The following TPO variants were observed in gnomAD, a reference collection of about 807,000 sequenced individuals.
TPO encodes thyroid peroxidase.
In TPO, 78 loss-of-function variants were observed where a neutral mutation model predicts 96.9. The ratio of observed to expected loss-of-function variants is 0.81; its 90% CI spans 0.67 to 0.97. TPO has a LOEUF of 0.97. TPO is among the 50% of genes least tolerant of loss of function. The pLI is 0.00. For synonymous variants in TPO, 547 were observed against 538.0 expected (o/e 1.02, Z -0.23); for missense variants, 1,252 against 1,274.8 (o/e 0.98, Z 0.27).
chr2:1,479,393 T>C (rs1311125261), intron 8 of TPO, among the ~76,000 whole-genome samples: 1 of 152,228 alleles, frequency 6.6e-6, no homozygotes, highest in Non-Finnish European at 1.5e-5. Context: ...AGTTTGTGAA[T>C]GAAGTAGAAT....
rs769422169 is a variant in TPO, at chr2:1,499,213, C to T, written c.2386+2448C>T. Among the ~76,000 whole-genome samples the T allele has an allele frequency of 5.5e-4, 84 of 151,710 alleles. 1 individual carries two copies. The highest frequency in any genetic ancestry group is 5.3e-4 in the Non-Finnish European group (36 of 67,838). ...TGTGGAGCTGCCCCCTGTGCGCGTG[C>T]CCTCTGACCTTCCGCCTGCCCTCTG... On this transcript the variant is annotated intron_variant, in intron 13 of 16. Transcript: ENST00000329066.
chr2:1,539,371 C>A (rs1680457361), intron 15 of TPO, among the ~76,000 whole-genome samples: 1 of 152,150 alleles, frequency 6.6e-6, no homozygotes. Flanking sequence ...GTCACCAAGT[C>A]AAACTCAAGC....
intron 15 of TPO, among the ~76,000 whole-genome samples, chr2:1,534,696 C>G (rs1353053957): frequency 6.7e-6 from 1 of 148,554 alleles, no homozygotes; most frequent in Non-Finnish European, 1.5e-5. Flanking sequence ...CCAAAAATCC[C>G]CCACACAGTG....
intron 15 of TPO, among the ~76,000 whole-genome samples, chr2:1,524,353 T>TC (rs1272468446): frequency 2.2e-5 from 2 of 91,058 alleles, no homozygotes; most frequent in African/African-American, 8.8e-5. Context: ...CCTCCCCAAA[T>TC]CCCTCCACTC....
Position 1,478,245 on chromosome 2 carries a change from C to T in TPO, c.1338+641C>T, listed in dbSNP as rs79646939. On this transcript the variant is annotated intron_variant, in intron 8 of 16. Coordinates refer to ENST00000329066, the MANE Select transcript of TPO (RefSeq NM_001206744.2). ...ATTAATTGTGTGATGGAGAAAAGCA[C>T]TTATGCACCTGGAAATGCGGTCCCT... The T allele has an allele frequency of 3.2e-4, 311 of 985,404 alleles. 1 individual carries two copies. The African/African-American group carries it at 5.2e-3, about 17-fold the overall frequency. The allele number at this position is 985,404 out of a possible 1,614,324, so 61.0% of individuals were successfully genotyped here. A position where few individuals can be genotyped will look rare whatever the true frequency, so the allele number is the denominator to read the frequency against.
At chr2:1,451,673 C>T (rs1020356422) in intron 5 of TPO, among the ~76,000 whole-genome samples, 1 of 152,206 alleles carries the variant, frequency 6.6e-6, no homozygotes, top group Non-Finnish European at 1.5e-5. Flanking sequence ...AACCTCAGTG[C>T]TGGTTGTTCC....
intron 1 of TPO, among the ~76,000 whole-genome samples, chr2:1,376,578 G>A (rs906817864): frequency 6.6e-6 from 1 of 152,136 alleles, no homozygotes; most frequent in African/African-American, 2.4e-5. Flanking sequence ...ATGGTGCCCA[G>A]GGCAGTGCTG....
intron 1 of TPO, 181 bp downstream of exon 1, chr2:1,413,726 G>A: frequency 4.1e-6 from 4 of 985,358 alleles, no homozygotes; most frequent in Non-Finnish European, 4.8e-6. Flanking sequence ...TGGAACATGT[G>A]AGTCCTGTAG....
chr2:1,488,053 A>G lies in TPO; in HGVS notation c.1768+62A>G. ...TGCTGCGGGATTTGCCGAGCTAGCA[A>G]CCTGCTGCTAGAGAGACTGATTTAG... On this transcript the variant is annotated intron_variant, in intron 10 of 16. Coordinates refer to ENST00000329066, the MANE Select transcript of TPO (RefSeq NM_001206744.2). The G allele has an allele frequency of 1.2e-5, 20 of 1,604,596 alleles. No homozygotes were observed. In the South Asian group the frequency reaches 1.9e-4, roughly 15 times the overall value.
intron 11 of TPO, among the ~76,000 whole-genome samples, chr2:1,494,646 T>C (rs1447298823): frequency 6.6e-6 from 1 of 152,220 alleles, no homozygotes; most frequent in Non-Finnish European, 1.5e-5. Flanking sequence ...TCTGAGTGCA[T>C]GCCCCCCGTA....
chr2:1,462,091 T>A (rs187742743), intron 7 of TPO, among the ~76,000 whole-genome samples: 94 of 152,294 alleles, frequency 6.2e-4, no homozygotes, highest in East Asian at 2.5e-3. Flanking sequence ...AACTTTCTCT[T>A]CTGGCTCTTC....
At chr2:1,463,209 G>T (rs977671262) in intron 7 of TPO, among the ~76,000 whole-genome samples, 1 of 152,198 alleles carries the variant, frequency 6.6e-6, no homozygotes, top group South Asian at 2.1e-4. Context: ...CTGGCTTGCA[G>T]TTAAGAGTGT....
At chr2:1,515,037 T>TTCTC (rs199607009) in intron 14 of TPO, among the ~76,000 whole-genome samples, 2,412 of 152,262 alleles carry the variant, frequency 0.016, 23 homozygotes, top group Middle Eastern at 0.02. Flanking sequence ...CAGCCCAAGT[T>TTCTC]TCTCAGAACC....
In TPO at chr2:1,542,677, G is replaced by T; in HGVS notation, c.*203G>T. Reference sequence around the variant, plus strand: ...TGTCTGGCCTTTTCTTGTAAACATTGCCTGATTTGTTCCTTCTGGGGCTTT... The same window carrying T: ...TGTCTGGCCTTTTCTTGTAAACATTTCCTGATTTGTTCCTTCTGGGGCTTT... On this transcript the variant is annotated 3_prime_UTR_variant, in exon 17 of 17. Transcript: ENST00000329066. The T allele has an allele frequency of 6.8e-7, 1 of 1,472,526 alleles. No homozygotes were observed. The highest frequency in any genetic ancestry group is 1.3e-5 in the South Asian group (1 of 77,500). 91.2% of individuals were successfully genotyped at this position (1,472,526 alleles called of 1,614,324 possible).
At chr2:1,463,695 T>A (rs141437428) in intron 7 of TPO, among the ~76,000 whole-genome samples, 14 of 152,320 alleles carry the variant, frequency 9.2e-5, no homozygotes, top group South Asian at 2.1e-4. Flanking sequence ...ACCTTGCTCC[T>A]TCTGGTCTCG....
chr2:1,542,166 C>T, intron 16 of TPO: 1 of 590,758 alleles, frequency 1.7e-6, no homozygotes, highest in Non-Finnish European at 3.0e-6. Context: ...AGGACCCTGC[C>T]TGCGGATTGC....
chr2:1,446,165 CT>C (rs1314779350), intron 5 of TPO, among the ~76,000 whole-genome samples: 1 of 152,180 alleles, frequency 6.6e-6, no homozygotes, highest in Non-Finnish European at 1.5e-5. Flanking sequence ...AGAGGGCTGC[CT>C]TCTGGCCCCT....
intron 1 of TPO, among the ~76,000 whole-genome samples, chr2:1,379,178 G>A (rs1218744289): frequency 2.6e-5 from 4 of 152,084 alleles, no homozygotes; most frequent in African/African-American, 4.8e-5. Context: ...GGTGGCGCAC[G>A]CATGTAGTCC....
Position 1,414,519 on chromosome 2 carries a change from T to C in TPO, c.94+17T>C. 2 of 1,611,514 alleles carry C rather than the reference T, an allele frequency of 1.2e-6. No homozygotes were observed. Among genetic ancestry groups the C allele is most frequent in the South Asian group, 1.1e-5 (1 of 90,762 alleles). ...TCCTTTGGGGTAAGTAGCAAACACATTGCGGTCTTCTGGCCTTATAAAGTT... is the reference window on the plus strand; with the variant it reads ...TCCTTTGGGGTAAGTAGCAAACACACTGCGGTCTTCTGGCCTTATAAAGTT... On this transcript the variant is annotated intron_variant, in intron 2 of 16. Transcript: ENST00000329066.
Sources: gnomAD v4.1 joint callset for allele counts (sites outside exome capture counted in the v4.1 genomes callset) on GRCh38, gnomAD v4.1.1 for gene constraint, MANE v1.5 for transcripts, NCBI Gene and HGNC (gene_info 2026-07-23, HGNC 2026-07-21) for gene names.